Variants in STC2 observed in about 807,000 individuals in gnomAD.
STC2 encodes the protein stanniocalcin 2, also known as stanniocalcin-2.
In STC2, 7 loss-of-function variants were observed where a neutral mutation model predicts 22.7. The observed-to-expected ratio is 0.31, with a 90% CI of 0.18 to 0.58. The LOEUF is 0.58. STC2 is among the 20% of genes least tolerant of loss of function. STC2 has a pLI of 0.89. For synonymous variants in STC2, 158 were observed against 163.4 expected (o/e 0.97, Z 0.25); for missense variants, 336 against 406.2 (o/e 0.83, Z 1.48).
At chr5:173,324,473 T>G (rs1336145220) in intron 2 of STC2, among the ~76,000 whole-genome samples, 2 of 152,210 alleles carry the variant, frequency 1.3e-5, no homozygotes, top group Admixed American at 6.5e-5. Context: ...GCACATTTAT[T>G]TTGGTTTTGT....
At chr5:173,318,290 G>GAGAGAA in intron 3 of STC2, 41 bp from the exon 4 acceptor site, 2 of 1,379,368 alleles carry the variant, frequency 1.4e-6, no homozygotes, top group Non-Finnish European at 9.4e-7. Context: ...GAGAGAGAGA[G>GAGAGAA]AGAGAGAGAG....
chr5:173,328,206 T>G lies in STC2; in HGVS notation c.-13A>C. 6.9e-7 allele frequency: 1 copy of G among 1,459,674 alleles called. No individual in the cohort carries two copies. The highest frequency in any genetic ancestry group is 9.1e-7 in the Non-Finnish European group (1 of 1,097,626). 90.4% of individuals were successfully genotyped at this position (1,459,674 alleles called of 1,614,324 possible). A position where few individuals can be genotyped will look rare whatever the true frequency, so the allele number is the denominator to read the frequency against. On this transcript the variant is annotated 5_prime_UTR_variant, in exon 1 of 4. Transcript: ENST00000265087. The stretch of plus-strand genomic sequence containing the variant: ...GCTCGGCACACATGGTTCTTGGTAT[T>G]AACCTCCCGTCGGGAGACCTGGATC...
chr5:173,325,654 C>G lies in STC2; in HGVS notation c.294+214G>C, dbSNP rs1762537743. Among the ~76,000 whole-genome samples the G allele has an allele frequency of 6.6e-6, 1 of 152,194 alleles. No individual in the cohort carries two copies. Among genetic ancestry groups the G allele is most frequent in the Admixed American group, 6.5e-5 (1 of 15,280 alleles). The stretch of plus-strand genomic sequence containing the variant: ...ACAAGGTGTTTATCGTTTATTATGA[C>G]ATTGGTCTCCAGTCCACCCTGCCTG... On this transcript the variant is annotated intron_variant, in intron 2 of 3. Coordinates refer to ENST00000265087, the MANE Select transcript of STC2 (RefSeq NM_003714.3). This position sits in a 1 kb window ranked among gnomAD's most constrained non-coding sequence, Gnocchi z 4.7.
Position 173,325,679 on chromosome 5 carries a change from G to A in STC2, c.294+189C>T, listed in dbSNP as rs1561644348. On this transcript the variant is annotated intron_variant, in intron 2 of 3. Coordinates refer to ENST00000265087, the MANE Select transcript of STC2 (RefSeq NM_003714.3). This position sits in a 1 kb window ranked among gnomAD's most constrained non-coding sequence, Gnocchi z 4.7. ...CATTGGTCTCCAGTCCACCCTGCCT[G>A]TGTAGACACAGCTTATGAGTGCAGA... Among the ~76,000 whole-genome samples the A allele has an allele frequency of 6.6e-6, 1 of 152,186 alleles. No individual in the cohort carries two copies. Among genetic ancestry groups the A allele is most frequent in the African/African-American group, 2.4e-5 (1 of 41,446 alleles).
At position 173,317,055 on chromosome 5, in the gene STC2, AC is replaced by A. The variant is rs1257965886; in HGVS notation, c.*791del. The A allele has an allele frequency of 1.3e-5, 2 of 152,000 alleles. No individual in the cohort carries two copies. Among genetic ancestry groups the A allele is most frequent in the African/African-American group, 4.8e-5 (2 of 41,310 alleles). 9.4% of individuals were successfully genotyped at this position (152,000 alleles called of 1,614,324 possible). A position where few individuals can be genotyped will look rare whatever the true frequency, so the allele number is the denominator to read the frequency against. ...AACCCCCTTTGAGCTGGTTTTAATG[AC>A]CCAGTTGCTTTGTTTGAAAGCCATT... On this transcript the variant is annotated 3_prime_UTR_variant, in exon 4 of 4. Transcript: ENST00000265087.
chr5:173,323,339 C>A lies in STC2; in HGVS notation c.386G>T (p.Arg129Met). 1.2e-6 allele frequency: 2 copies of A among 1,614,224 alleles called. No individual in the cohort carries two copies. The highest frequency in any genetic ancestry group is 1.3e-5 in the African/African-American group (1 of 75,064). The change falls in exon 3 of 4, where the codon AGG becomes ATG. Residue 129 changes from arginine (R) to methionine (M), a missense_variant. Physicochemically the swap from Arg to Met is moderately conservative, Grantham distance 91. Around this residue, in one of 3 missense-constraint regions of STC2, gnomAD observed 215 missense variants for 231.5 expected, o/e 0.93. Coordinates refer to ENST00000265087, the MANE Select transcript of STC2 (RefSeq NM_003714.3). This position sits in a 1 kb window ranked among gnomAD's most constrained non-coding sequence, Gnocchi z 5.4. ...GCISRKCPAIREMVSQLQREC... is the reference protein window; with the variant it reads ...GCISRKCPAIMEMVSQLQREC... ...CCGCTGCAACTGGGACACCATTTCCCTGATGGCCGGGCACTTCCGGCTTAT... is the reference window on the plus strand; with the variant it reads ...CCGCTGCAACTGGGACACCATTTCCATGATGGCCGGGCACTTCCGGCTTAT...
chr5:173,328,040 T>C lies in STC2; in HGVS notation c.151+3A>G. On this transcript the variant is annotated splice_donor_region_variant and intron_variant, in intron 1 of 3. Coordinates refer to ENST00000265087, the MANE Select transcript of STC2 (RefSeq NM_003714.3). The stretch of plus-strand genomic sequence containing the variant: ...TCCCGGCTGCGGGGGCACATGCACT[T>C]ACCTGTATTCTGCAGGGACAGGCGG... The C allele has an allele frequency of 1.3e-6, 2 of 1,557,060 alleles. No individual in the cohort carries two copies. Among genetic ancestry groups the C allele is most frequent in the Non-Finnish European group, 1.7e-6 (2 of 1,151,208 alleles).
Position 173,316,644 on chromosome 5 carries a change from A to T in STC2, c.*1203T>A, listed in dbSNP as rs996319607. On this transcript the variant is annotated 3_prime_UTR_variant, in exon 4 of 4. Coordinates refer to ENST00000265087, the MANE Select transcript of STC2 (RefSeq NM_003714.3). ...TAGGATCTGGAAAATCCTGTCCCTT[A>T]GAGATTTTCAGCAGTCTCCTTGATT... 1 of 152,056 alleles carries T rather than the reference A, an allele frequency of 6.6e-6. No individual in the cohort carries two copies. The highest frequency in any genetic ancestry group is 1.5e-5 in the Non-Finnish European group (1 of 68,000). The allele number at this position is 152,056 out of a possible 1,614,324, so 9.4% of individuals were successfully genotyped here. A position where few individuals can be genotyped will look rare whatever the true frequency, so the allele number is the denominator to read the frequency against.
In STC2 at chr5:173,314,933, G is replaced by C. The variant is rs1170923148; in HGVS notation, c.*2914C>G. On this transcript the variant is annotated 3_prime_UTR_variant, in exon 4 of 4. Coordinates refer to ENST00000265087, the MANE Select transcript of STC2 (RefSeq NM_003714.3). This position sits in a 1 kb window ranked among gnomAD's most constrained non-coding sequence, Gnocchi z 4.6. ...CCATGCTATTTCCGTGAAGCCTTTTGCTTGGTTCGAGTTTAAATTTCTCCC... is the reference window on the plus strand; with the variant it reads ...CCATGCTATTTCCGTGAAGCCTTTTCCTTGGTTCGAGTTTAAATTTCTCCC... 2.0e-5 allele frequency: 3 copies of C among 152,130 alleles called. No homozygotes were observed. The highest frequency in any genetic ancestry group is 4.4e-5 in the Non-Finnish European group (3 of 68,032). The allele number at this position is 152,130 out of a possible 1,614,324, so 9.4% of individuals were successfully genotyped here.
At position 173,318,122 on chromosome 5, in the gene STC2, T is replaced by C; in HGVS notation, c.634A>G (p.Thr212Ala). The change falls in exon 4 of 4, where the codon ACC becomes GCC. Residue 212 changes from threonine to alanine, a missense_variant. Transcript: ENST00000265087. ...GSLCSILSFC[T>A]SAIQKPPTAP... Reference sequence around the variant, plus strand: ...GTGGGAGGCTTCTGGATGGCCGAGGTGCAGAAGCTCAAGATGGAGCACAGG... The same window carrying C: ...GTGGGAGGCTTCTGGATGGCCGAGGCGCAGAAGCTCAAGATGGAGCACAGG... 6.2e-7 allele frequency: 1 copy of C among 1,610,498 alleles called. No individual in the cohort carries two copies. The highest frequency in any genetic ancestry group is 8.5e-7 in the Non-Finnish European group (1 of 1,178,692).
At position 173,323,830 on chromosome 5, in the gene STC2, G is replaced by A. The variant is rs1235225032; in HGVS notation, c.295-400C>T. On this transcript the variant is annotated intron_variant, in intron 2 of 3. Coordinates refer to ENST00000265087, the MANE Select transcript of STC2 (RefSeq NM_003714.3). The surrounding 1 kb of genome is among the most constrained non-coding windows in gnomAD (Gnocchi z 5.4). ...AGACACAAATCCATAAATCCCTCAC[G>A]GTTCTCACAAGCAGTCTTCCCTAAG... Among the ~76,000 whole-genome samples the A allele has an allele frequency of 6.6e-6, 1 of 152,014 alleles. No individual in the cohort carries two copies. The highest frequency in any genetic ancestry group is 1.5e-5 in the Non-Finnish European group (1 of 68,008).
chr5:173,321,235 G>C (rs1450539943), intron 3 of STC2, among the ~76,000 whole-genome samples: 1 of 152,002 alleles, frequency 6.6e-6, no homozygotes, highest in Non-Finnish European at 1.5e-5. Context: ...TTAAGGGGAG[G>C]GGGTGGGACT....
rs1404668767 is a variant in STC2, at chr5:173,316,443, T to C, written c.*1404A>G. On this transcript the variant is annotated 3_prime_UTR_variant, in exon 4 of 4. Transcript: ENST00000265087. Reference sequence around the variant, plus strand: ...TGAGAAAGGATAGGCTTTAATTTGATGGCCAATTAGGAAGAAAAGGCCTAT... The same window carrying C: ...TGAGAAAGGATAGGCTTTAATTTGACGGCCAATTAGGAAGAAAAGGCCTAT... 2 of 151,974 alleles carry C rather than the reference T, an allele frequency of 1.3e-5. No individual in the cohort carries two copies. Among genetic ancestry groups the C allele is most frequent in the African/African-American group, 4.8e-5 (2 of 41,370 alleles). 9.4% of individuals were successfully genotyped at this position (151,974 alleles called of 1,614,324 possible).
chr5:173,318,402 T>C (rs566078533), intron 3 of STC2, among the ~76,000 whole-genome samples, 153 bp from the exon 4 acceptor site: 16 of 152,190 alleles, frequency 1.1e-4, no homozygotes, highest in Middle Eastern at 3.4e-3. Flanking sequence ...AAGATCTCTC[T>C]CAAATGACTT....
Position 173,328,294 on chromosome 5 carries a change from C to G in STC2, c.-101G>C. On this transcript the variant is annotated 5_prime_UTR_variant, in exon 1 of 4. Transcript: ENST00000265087. ...TTCGCCGCTTCCCCTCCTCCTCCCA[C>G]TCTTCCTTTTTGCTCGCCTTTTCCC... The G allele has an allele frequency of 7.8e-7, 1 of 1,283,864 alleles. No homozygotes were observed. The highest frequency in any genetic ancestry group is 2.2e-5 in the South Asian group (1 of 46,012). The allele number at this position is 1,283,864 out of a possible 1,614,324, so 79.5% of individuals were successfully genotyped here.
Position 173,317,267 on chromosome 5 carries a change from G to A in STC2, c.*580C>T, listed in dbSNP as rs567465705. Reference sequence around the variant, plus strand: ...ACACTCCTCCCTCCACCCTCGCCAAGAGCTCTGAACCGCAAGGCCCCACAC... The same window carrying A: ...ACACTCCTCCCTCCACCCTCGCCAAAAGCTCTGAACCGCAAGGCCCCACAC... On this transcript the variant is annotated 3_prime_UTR_variant, in exon 4 of 4. Transcript: ENST00000265087. 1 of 152,716 alleles carries A rather than the reference G, an allele frequency of 6.5e-6. No homozygotes were observed. Among genetic ancestry groups the A allele is most frequent in the Admixed American group, 6.5e-5 (1 of 15,312 alleles). 9.5% of individuals were successfully genotyped at this position (152,716 alleles called of 1,614,324 possible).
At chr5:173,327,983 C>T (rs1415631311) in intron 1 of STC2, 60 bp downstream of exon 1, 31 of 1,391,994 alleles carry the variant, frequency 2.2e-5, no homozygotes, top group Non-Finnish European at 2.6e-5. Context: ...TGGGGCGCGC[C>T]GCGTGGGTGC....
In STC2 at chr5:173,323,051, A is replaced by G. The variant is rs1762504412; in HGVS notation, c.506+168T>C. The G allele has an allele frequency of 1.6e-6, 1 of 635,030 alleles. No individual in the cohort carries two copies. The highest frequency in any genetic ancestry group is 1.8e-5 in the African/African-American group (1 of 54,378). The allele number at this position is 635,030 out of a possible 1,614,324, so 39.3% of individuals were successfully genotyped here. ...ATTCTCTCTTTTCCTAAAAGCCAGC[A>G]GGAAAGGGGCCTTTTAGTAGAGTCA... On this transcript the variant is annotated intron_variant, in intron 3 of 3. Transcript: ENST00000265087. This position sits in a 1 kb window ranked among gnomAD's most constrained non-coding sequence, Gnocchi z 5.4.
Position 173,323,552 on chromosome 5 carries a change from GC to G in STC2, c.295-123del. On this transcript the variant is annotated intron_variant, in intron 2 of 3. Transcript: ENST00000265087. The surrounding 1 kb of genome is among the most constrained non-coding windows in gnomAD (Gnocchi z 5.4). ...ATATTTCTGACATCAGAACCCCAAGGCCCCACCAGAGACGGACGTCCTCCCA... is the reference window on the plus strand; with the variant it reads ...ATATTTCTGACATCAGAACCCCAAGGCCCACCAGAGACGGACGTCCTCCCA... 2 of 970,326 alleles carry G rather than the reference GC, an allele frequency of 2.1e-6. No homozygotes were observed. The highest frequency in any genetic ancestry group is 3.1e-6 in the Non-Finnish European group (2 of 650,758). The allele number at this position is 970,326 out of a possible 1,614,324, so 60.1% of individuals were successfully genotyped here.
Sources: allele counts gnomAD v4.1 joint callset (sites outside exome capture counted in the v4.1 genomes callset), GRCh38; gene constraint gnomAD v4.1.1; regional missense constraint gnomAD v4.1.1; non-coding constraint Gnocchi (gnomAD v3.1); transcripts MANE v1.5; gene names NCBI Gene and HGNC (gene_info 2026-07-23, HGNC 2026-07-21).